CD36: variants seen among roughly 807,000 people sequenced by gnomAD.
The protein encoded by CD36 is CD36 molecule (CD36 blood group).
CD36 carries 119 observed loss-of-function variants against 55.2 expected under a neutral mutation model. The observed-to-expected ratio is 2.15, with a 90% confidence interval of 1.86 to 2.51. The LOEUF is 2.51. CD36 is among the 30% of genes most tolerant of loss of function. The pLI is 0.00. For missense variants in CD36, 819 were observed against 555.5 expected (o/e 1.47, Z -4.77); for synonymous variants, 186 against 193.6 (o/e 0.96, Z 0.33).
intron 7 of CD36, among the ~76,000 whole-genome samples, chr7:80,665,266 G>A (rs1796961183): frequency 6.6e-6 from 1 of 151,416 alleles, no homozygotes; most frequent in Admixed American, 6.6e-5. Context: ...TGTAAACTAG[G>A]AAGAACCCTA....
intron 1 of CD36, among the ~76,000 whole-genome samples, chr7:80,617,210 C>A (rs902506626): frequency 1.3e-5 from 2 of 151,894 alleles, no homozygotes; most frequent in Admixed American, 6.6e-5. Flanking sequence ...CACAGGGGAA[C>A]AACACACATG....
At chr7:80,668,697 A>G (rs1402226960) in intron 8 of CD36, among the ~76,000 whole-genome samples, 2 of 152,188 alleles carry the variant, frequency 1.3e-5, no homozygotes, top group African/African-American at 4.8e-5. Flanking sequence ...AGGAAATGGA[A>G]AAGCAGTTGT....
chr7:80,614,251 C>T (rs754512454), intron 1 of CD36, among the ~76,000 whole-genome samples: 2 of 152,098 alleles, frequency 1.3e-5, no homozygotes, highest in African/African-American at 4.8e-5. Flanking sequence ...TGTGGAGAAA[C>T]AATGGTGACT....
At chr7:80,648,508 T>C (rs1795348205) in intron 3 of CD36, among the ~76,000 whole-genome samples, 1 of 151,548 alleles carries the variant, frequency 6.6e-6, no homozygotes, top group Non-Finnish European at 1.5e-5. Flanking sequence ...GGTGCTAGCA[T>C]TTATTTTAAT....
chr7:80,613,423 A>AT (rs1266030866), intron 1 of CD36, among the ~76,000 whole-genome samples: 1 of 151,964 alleles, frequency 6.6e-6, no homozygotes, highest in African/African-American at 2.4e-5. Context: ...CTTTATGGAG[A>AT]TTTTTCCTTT....
intron 1 of CD36, among the ~76,000 whole-genome samples, chr7:80,612,724 A>G (rs1255389791): frequency 6.6e-6 from 1 of 151,982 alleles, no homozygotes; most frequent in African/African-American, 2.4e-5. Flanking sequence ...TATTTCTTTA[A>G]TTTTCCACAT....
intron 1 of CD36, among the ~76,000 whole-genome samples, chr7:80,614,528 A>T (rs1363056125): frequency 6.6e-6 from 1 of 152,156 alleles, no homozygotes; most frequent in Non-Finnish European, 1.5e-5. Flanking sequence ...ATAAAAATGA[A>T]ATTATCAATG....
At chr7:80,661,656 C>G (rs1408945287) in intron 5 of CD36, among the ~76,000 whole-genome samples, 1 of 152,000 alleles carries the variant, frequency 6.6e-6, no homozygotes, top group East Asian at 1.9e-4. Flanking sequence ...AGTAGCTGTA[C>G]CAGTGGGCAA....
intron 3 of CD36, among the ~76,000 whole-genome samples, chr7:80,650,544 C>T (rs1374719687): frequency 6.6e-6 from 1 of 152,010 alleles, no homozygotes; most frequent in Non-Finnish European, 1.5e-5. Flanking sequence ...CTGTTGACTT[C>T]TTATTTGTGT....
intron 1 of CD36, among the ~76,000 whole-genome samples, chr7:80,623,208 G>T (rs1228507440): frequency 6.6e-6 from 1 of 152,096 alleles, no homozygotes; most frequent in Non-Finnish European, 1.5e-5. Flanking sequence ...GCTCTAGAAT[G>T]AATGTTCTCG....
Position 80,671,989 on chromosome 7 carries a change from T to C in CD36, c.1074T>C (p.Asp358=). ...YASPDVSEPI[D]GLNPNEEEHR... ...GTCCTGATGTTTCAGAACCTATTGA[T>C]GGATTAAACCCAAATGAAGAAGAAC... Residue 358 remains aspartate (D), a synonymous_variant, in exon 11 of 15, where the codon GAT becomes GAC. Coordinates refer to ENST00000447544, the MANE Select transcript of CD36 (RefSeq NM_001001548.3). 1 of 1,609,210 alleles carries C rather than the reference T, an allele frequency of 6.2e-7. No homozygotes were observed. The highest frequency in any genetic ancestry group is 1.1e-5 in the South Asian group (1 of 90,970).
upstream of CD36, among the ~76,000 whole-genome samples, chr7:80,637,890 T>C (rs1190716106): frequency 7.3e-6 from 1 of 136,568 alleles, no homozygotes; most frequent in Non-Finnish European, 1.6e-5. Flanking sequence ...TCTATTTTGA[T>C]TCAATATCAA....
Position 80,673,284 on chromosome 7 carries a change from ATTTAT to A in CD36, c.1200-66_1200-62del, listed in dbSNP as rs767418982. The A allele has an allele frequency of 5.2e-4, 379 of 725,686 alleles. 1 individual carries two copies. Among genetic ancestry groups the A allele is most frequent in the Middle Eastern group, 4.0e-3 (10 of 2,508 alleles). The allele number at this position is 725,686 out of a possible 1,614,324, so 45.0% of individuals were successfully genotyped here. ...TAGCAACAGCAACTAATTTATGAAC[ATTTAT>A]TTTAAAGTTTGTTATATATAAATAT... On this transcript the variant is annotated intron_variant, in intron 12 of 14. Transcript: ENST00000447544.
upstream of CD36, among the ~76,000 whole-genome samples, chr7:80,637,233 A>G (rs1300173635): frequency 6.6e-6 from 1 of 152,076 alleles, no homozygotes; most frequent in African/African-American, 2.4e-5. Flanking sequence ...GCTTAAATAC[A>G]AAACAGCTAT....
intron 1 of CD36, among the ~76,000 whole-genome samples, chr7:80,603,238 A>G (rs1792342064): frequency 6.6e-6 from 1 of 152,192 alleles, no homozygotes; most frequent in Non-Finnish European, 1.5e-5. Context: ...TTGATACAAA[A>G]AAAGAAAAGC....
chr7:80,633,512 A>T (rs1405417685), intron 1 of CD36: 1 of 151,972 alleles, frequency 6.6e-6, no homozygotes, highest in African/African-American at 2.4e-5. Flanking sequence ...TTTAAAGGTG[A>T]TATTAGAAAT....
Position 80,674,138 on chromosome 7 carries a change from A to C in CD36, c.1410A>C (p.Thr470=). 6.2e-7 allele frequency: 1 copy of C among 1,609,876 alleles called. No homozygotes were observed. Among genetic ancestry groups the C allele is most frequent in the East Asian group, 2.2e-5 (1 of 44,658 alleles). Residue 470 remains threonine, a synonymous_variant, in exon 14 of 15, where the codon ACA becomes ACC. Transcript: ENST00000447544. The part of the protein sequence containing the change: ...MISYCACRSK[T]IK ...CATATTGTGCATGCAGATCGAAAAC[A>C]ATAAAATAAGTAAGTATGTACCAAA...
chr7:80,613,071 G>T (rs565245705), intron 1 of CD36, among the ~76,000 whole-genome samples: 35 of 152,192 alleles, frequency 2.3e-4, no homozygotes, highest in African/African-American at 7.7e-4. Context: ...GGAAGTAGTA[G>T]TAGAGAGAGG....
rs772030218 is a variant in CD36, at chr7:80,663,022, T to C, written c.462T>C (p.Val154=). ...AASHIYQNQF[V]QMILNSLINK... is the part of the protein sequence containing the mutation. ...CCCATATCTATCAAAATCAATTTGT[T>C]CAAATGATCCTCAATTCACTTATTA... Residue 154 remains valine, a synonymous_variant, in exon 6 of 15, where the codon GTT becomes GTC. Coordinates refer to ENST00000447544, the MANE Select transcript of CD36 (RefSeq NM_001001548.3). 6.2e-7 allele frequency: 1 copy of C among 1,613,470 alleles called. No individual in the cohort carries two copies. Among genetic ancestry groups the C allele is most frequent in the South Asian group, 1.1e-5 (1 of 91,052 alleles).
Sources: allele counts gnomAD v4.1 joint callset (sites outside exome capture counted in the v4.1 genomes callset), GRCh38; gene constraint gnomAD v4.1.1; transcripts MANE v1.5; gene names NCBI Gene and HGNC (gene_info 2026-07-23, HGNC 2026-07-21).